CNTN5: variants seen among roughly 807,000 people sequenced by gnomAD.
CNTN5 encodes the protein contactin 5.
A neutral mutation model predicts 129.1 loss-of-function variants in CNTN5; 77 were observed. That is an observed-to-expected ratio of 0.60 (90% CI 0.50 to 0.72). CNTN5 has a LOEUF of 0.72. CNTN5 is among the 30% of genes least tolerant of loss of function. The probability of loss-of-function intolerance (pLI) is 0.00; values close to 1 mark genes in which losing one functional copy is unlikely to be tolerated. For synonymous variants in CNTN5, 509 were observed against 465.6 expected, an observed-to-expected ratio of 1.09 and a Z score of -1.20; for missense variants, 1,478 against 1,328.8, an observed-to-expected ratio of 1.11 and a Z score of -1.75.
intron 3 of CNTN5, among the ~76,000 whole-genome samples, chr11:99,631,831 A>G (rs1951365063): frequency 6.6e-6 from 1 of 152,130 alleles, no homozygotes; most frequent in African/African-American, 2.4e-5. Flanking sequence ...CTGTGGTTGT[A>G]GTTACCTGTG....
chr11:99,997,669 TC>T (rs2137448027), intron 8 of CNTN5, among the ~76,000 whole-genome samples: 1 of 152,170 alleles, frequency 6.6e-6, no homozygotes, highest in East Asian at 1.9e-4. Flanking sequence ...GCCAGCATCA[TC>T]CTGAGACCAA....
chr11:99,276,646 A>G (rs1404180763), intron 1 of CNTN5, among the ~76,000 whole-genome samples: 1 of 151,548 alleles, frequency 6.6e-6, no homozygotes, highest in African/African-American at 2.4e-5. Flanking sequence ...AATAATATCT[A>G]TTAGTGTACC....
chr11:100,191,067 TTAC>T, intron 13 of CNTN5, 56 bp from the exon 14 acceptor site: 16 of 1,219,326 alleles, frequency 1.3e-5, no homozygotes, highest in Non-Finnish European at 1.9e-5. Context: ...TCATTGGTTC[TTAC>T]TATTTAGCTG....
chr11:99,787,837 C>A (rs1054835291), intron 3 of CNTN5, among the ~76,000 whole-genome samples: 1 of 151,874 alleles, frequency 6.6e-6, no homozygotes. Flanking sequence ...GCTTAAATTC[C>A]TGAAAAATTT....
At chr11:99,911,553 T>C (rs1195586678) in intron 6 of CNTN5, among the ~76,000 whole-genome samples, 1 of 151,954 alleles carries the variant, frequency 6.6e-6, no homozygotes, top group East Asian at 1.9e-4. Context: ...TTAACATACG[T>C]AAGATACAAG....
At chr11:99,214,376 ATATAT>A (rs1160464646) in intron 1 of CNTN5, among the ~76,000 whole-genome samples, 3 of 141,364 alleles carry the variant, frequency 2.1e-5, no homozygotes, top group African/African-American at 7.8e-5. Flanking sequence ...CAAAAAATAT[ATATAT>A]TATATATGTA....
intron 1 of CNTN5, among the ~76,000 whole-genome samples, chr11:99,145,160 C>T (rs1022716398): frequency 3.3e-5 from 5 of 152,124 alleles, no homozygotes; most frequent in Admixed American, 1.3e-4. Flanking sequence ...ACCTCAGCCT[C>T]CTGGATTCAA....
rs373887211 is a variant in CNTN5 at position 100,333,454 on chromosome 11, C to A, written c.2731-7009C>A. On this transcript the variant is annotated intron_variant, in intron 21 of 24. Transcript: ENST00000524871. ...AAAACACCTAAAATCCACATGGAAC[C>A]GAAAAAGAGCCCATGTAGCCAAAGC... is the stretch of plus-strand genomic sequence containing the variant. Among the ~76,000 whole-genome samples, 167 of 134,084 alleles carry A rather than the reference C, an allele frequency of 1.2e-3. 5 individuals carry two copies. In the South Asian group the frequency reaches 0.037, roughly 30 times the overall value. 88.0% of individuals were successfully genotyped at this position (134,084 alleles called of 152,430 possible).
chr11:99,304,828 C>T (rs1204596648), intron 1 of CNTN5, among the ~76,000 whole-genome samples: 1 of 152,076 alleles, frequency 6.6e-6, no homozygotes, highest in Admixed American at 6.6e-5. Flanking sequence ...AGGCCTTTGC[C>T]CACAGAAAGA....
chr11:100,309,130 C>T, intron 21 of CNTN5: 1 of 984,840 alleles, frequency 1.0e-6, no homozygotes, highest in East Asian at 1.1e-4. Flanking sequence ...CCTTGCTTGG[C>T]CAGTCATGGA....
chr11:100,092,453 T>G (rs1202189200), intron 13 of CNTN5, among the ~76,000 whole-genome samples: 1 of 152,142 alleles, frequency 6.6e-6, no homozygotes, highest in African/African-American at 2.4e-5. Flanking sequence ...TCCAGGGCTG[T>G]ACCTTTCCAC....
chr11:100,127,390 C>T (rs910330845), intron 13 of CNTN5, among the ~76,000 whole-genome samples: 3 of 151,752 alleles, frequency 2.0e-5, no homozygotes, highest in African/African-American at 7.3e-5. Flanking sequence ...GCTTCATGTT[C>T]CCCTGGTTTT....
intron 6 of CNTN5, among the ~76,000 whole-genome samples, chr11:99,899,382 A>C (rs953656629): frequency 2.0e-5 from 3 of 151,882 alleles, no homozygotes; most frequent in Admixed American, 2.0e-4. Context: ...GGCTCTTATT[A>C]TTTTGAAGTA....
intron 3 of CNTN5, among the ~76,000 whole-genome samples, chr11:99,736,697 C>G (rs892975968): frequency 5.9e-5 from 9 of 152,088 alleles, no homozygotes; most frequent in African/African-American, 1.9e-4. Flanking sequence ...TAGAAGGATA[C>G]ATTGACGGTG....
At chr11:99,428,416 C>T (rs1415244523) in intron 2 of CNTN5, among the ~76,000 whole-genome samples, 1 of 151,744 alleles carries the variant, frequency 6.6e-6, no homozygotes, top group African/African-American at 2.4e-5. Flanking sequence ...CAAAAATTAG[C>T]TGGGCTTCGT....
chr11:99,990,823 A>G (rs1388336611), intron 8 of CNTN5, among the ~76,000 whole-genome samples: 1 of 152,180 alleles, frequency 6.6e-6, no homozygotes, highest in East Asian at 1.9e-4. Flanking sequence ...ACAAAGATAT[A>G]TGTTGATAAA....
intron 1 of CNTN5, among the ~76,000 whole-genome samples, chr11:99,059,380 G>C (rs894362051): frequency 2.6e-5 from 4 of 152,036 alleles, no homozygotes; most frequent in African/African-American, 7.2e-5. Flanking sequence ...CTTCTGCTGT[G>C]CTCTATGACC....
At chr11:99,578,405 A>C (rs10750329) in intron 3 of CNTN5, among the ~76,000 whole-genome samples, 128,456 of 141,504 alleles carry the variant, frequency 0.91, 58,499 homozygotes, top group East Asian at 1. Context: ...AATCGCCACA[A>C]TGACTTCCAC....
At position 100,298,369 on chromosome 11, in the gene CNTN5, A is replaced by G. The variant is rs778752676; in HGVS notation, c.2385+674A>G. 5.7e-4 allele frequency among the ~76,000 whole-genome samples: 86 copies of G among 151,550 alleles called. 1 individual carries two copies. Among genetic ancestry groups the G allele is most frequent in the Non-Finnish European group, 9.2e-4 (62 of 67,638 alleles). On this transcript the variant is annotated intron_variant, in intron 19 of 24. Transcript: ENST00000524871. ...TGTCTACAGAGGTATTAACTTTCCA[A>G]TAGCTGACCTTCACTGAGACCAGAT... is the stretch of plus-strand genomic sequence containing the variant.
Sources: allele counts gnomAD v4.1 joint callset (sites outside exome capture counted in the v4.1 genomes callset), GRCh38; gene constraint gnomAD v4.1.1; transcripts MANE v1.5; gene names NCBI Gene and HGNC (gene_info 2026-07-23, HGNC 2026-07-21).